Variants in DDR2 observed in about 807,000 individuals in gnomAD.
DDR2 encodes the protein discoidin domain receptor tyrosine kinase 2.
Under a neutral mutation model 94.9 loss-of-function variants are expected in DDR2, and 27 were observed. The observed-to-expected ratio is 0.28, with a 90% CI of 0.21 to 0.39. DDR2 has a LOEUF of 0.39. DDR2 is among the 10% of genes least tolerant of loss of function. The pLI, the probability that DDR2 is intolerant of heterozygous loss-of-function variation, is 1.00. For missense variants in DDR2, 783 were observed against 1,076.0 expected (o/e 0.73, Z 3.81); for synonymous variants, 382 against 377.2 (o/e 1.01, Z -0.15).
chr1:162,741,688 T>C (rs1662621783), intron 3 of DDR2: 1 of 985,348 alleles, frequency 1.0e-6, no homozygotes, highest in South Asian at 4.7e-5. Flanking sequence ...GAGGGAGACA[T>C]ACACACAGGT....
intron 16 of DDR2, chr1:162,778,134 A>T: frequency 7.6e-6 from 2 of 264,606 alleles, no homozygotes; most frequent in South Asian, 4.7e-5. Context: ...CATTGCTGTC[A>T]CTTGTTAAAG....
chr1:162,637,743 T>C (rs898333304), intron 1 of DDR2, among the ~76,000 whole-genome samples: 3 of 152,188 alleles, frequency 2.0e-5, no homozygotes, highest in Non-Finnish European at 1.5e-5. Flanking sequence ...GTGCTAGGGC[T>C]TAACACATTA....
intron 1 of DDR2, among the ~76,000 whole-genome samples, chr1:162,641,054 C>T (rs1242156593): frequency 6.6e-6 from 1 of 152,080 alleles, no homozygotes; most frequent in Non-Finnish European, 1.5e-5. Flanking sequence ...CTGGACCCAC[C>T]CTCATTGAGC....
At position 162,785,336 on chromosome 1, in the gene DDR2, G is replaced by A. The variant is rs1258816606; in HGVS notation, c.*5090G>A. ...TTAATGGCACTGGAAATAGCTTGTG[G>A]AGAGAATAGAATACAATGGTATAGA... On this transcript the variant is annotated 3_prime_UTR_variant, in exon 18 of 18. Transcript: ENST00000367921. 6.6e-6 allele frequency: 1 copy of A among 152,218 alleles called. No individual in the cohort carries two copies. The highest frequency in any genetic ancestry group is 1.5e-5 in the Non-Finnish European group (1 of 68,048). The allele number at this position is 152,218 out of a possible 1,614,324, so 9.4% of individuals were successfully genotyped here. A position where few individuals can be genotyped will look rare whatever the true frequency, so the allele number is the denominator to read the frequency against.
At chr1:162,662,234 C>T (rs776373898) in intron 2 of DDR2, among the ~76,000 whole-genome samples, 38 of 152,212 alleles carry the variant, frequency 2.5e-4, no homozygotes, top group Non-Finnish European at 4.7e-4. Context: ...TTCATTCATT[C>T]ACTCAGTGAA....
intron 3 of DDR2, among the ~76,000 whole-genome samples, chr1:162,750,840 C>T (rs1331283215): frequency 1.3e-5 from 2 of 152,072 alleles, no homozygotes; most frequent in African/African-American, 2.4e-5. Context: ...GAAATAATAC[C>T]ACACATCTAC....
At chr1:162,727,977 AGATATAATCACAC>A (rs1369710817) in intron 3 of DDR2, among the ~76,000 whole-genome samples, 3 of 141,366 alleles carry the variant, frequency 2.1e-5, no homozygotes, top group Non-Finnish European at 3.1e-5. Context: ...ATATATATAT[AGATATAATCACAC>A]TATATATATC....
intron 2 of DDR2, among the ~76,000 whole-genome samples, chr1:162,673,932 T>A (rs1179719627): frequency 1.3e-5 from 2 of 152,092 alleles, no homozygotes; most frequent in African/African-American, 2.4e-5. Context: ...TCTTCCCTTT[T>A]TACACATACT....
intron 3 of DDR2, among the ~76,000 whole-genome samples, chr1:162,731,175 A>G (rs1193155867): frequency 6.6e-6 from 1 of 152,184 alleles, no homozygotes; most frequent in African/African-American, 2.4e-5. Context: ...AGAAACAGAG[A>G]TATTAATAAA....
Position 162,770,393 on chromosome 1 carries a change from C to T in DDR2, c.1385C>T (p.Pro462Leu). Residue 462 changes from proline (P) to leucine (L), a missense_variant, in exon 12 of 18, where the codon CCT becomes CTT. By Grantham distance (98) the Pro-to-Leu change is moderately conservative. Transcript: ENST00000367921. ...SMFNNNRSSS[P>L]SEQGSNSTYD... ...TTCAACAATAACCGCTCCTCATCAC[C>T]TAGTGAACAAGGGTCCAACTCGACT... The T allele has an allele frequency of 1.2e-6, 2 of 1,614,116 alleles. No individual in the cohort carries two copies. Among genetic ancestry groups the T allele is most frequent in the East Asian group, 4.5e-5 (2 of 44,874 alleles).
rs115674790 is a variant in DDR2, at chr1:162,651,972, G to T, written c.-191-3239G>T. Among the ~76,000 whole-genome samples the T allele has an allele frequency of 3.0e-3, 451 of 152,308 alleles. 5 individuals are homozygous for T. Among genetic ancestry groups the T allele is most frequent in the Non-Finnish European group, 4.8e-3 (327 of 68,020 alleles). On this transcript the variant is annotated intron_variant, in intron 1 of 17. Coordinates refer to ENST00000367921, the MANE Select transcript of DDR2 (RefSeq NM_006182.4). ...ACCTGTGAAATCTCACTATCTCCAT[G>T]AAACCGACTGGCTTCGCTACATCAT...
Position 162,766,893 on chromosome 1 carries a change from G to A in DDR2, c.1163-336G>A, listed in dbSNP as rs182304275. ...CTAAAGATACAAAAATTAGCCGGGC[G>A]TAGTGGCGCATGCCTGTAATCCCAG... On this transcript the variant is annotated intron_variant, in intron 10 of 17. Transcript: ENST00000367921. Among the ~76,000 whole-genome samples, 10 of 152,082 alleles carry A rather than the reference G, an allele frequency of 6.6e-5. No homozygotes were observed. The East Asian group carries it at 7.7e-4, about 12-fold the overall frequency.
chr1:162,646,383 C>G (rs993104615), intron 1 of DDR2, among the ~76,000 whole-genome samples: 2 of 152,130 alleles, frequency 1.3e-5, no homozygotes, highest in African/African-American at 4.8e-5. Context: ...GTGAGGACTT[C>G]TGAGTAATGA....
chr1:162,707,360 T>G (rs1283689936), intron 2 of DDR2, among the ~76,000 whole-genome samples: 1 of 152,216 alleles, frequency 6.6e-6, no homozygotes, highest in Non-Finnish European at 1.5e-5. Flanking sequence ...CTGTTCTGAA[T>G]TCAACTCTTG....
chr1:162,677,870 T>C (rs182418858), intron 2 of DDR2, among the ~76,000 whole-genome samples: 59 of 152,386 alleles, frequency 3.9e-4, no homozygotes, highest in Admixed American at 7.2e-4. Context: ...CTACTTTATA[T>C]ACAATTCTAT....
At chr1:162,756,029 C>G (rs764395107) in intron 7 of DDR2, among the ~76,000 whole-genome samples, 1 of 152,084 alleles carries the variant, frequency 6.6e-6, no homozygotes, top group Admixed American at 6.6e-5. Flanking sequence ...TGATATGGCT[C>G]TAAGTATAAT....
At chr1:162,723,091 C>T (rs1057089511) in intron 3 of DDR2, among the ~76,000 whole-genome samples, 1 of 152,100 alleles carries the variant, frequency 6.6e-6, no homozygotes, top group Non-Finnish European at 1.5e-5. Flanking sequence ...ATGCAGAAAC[C>T]CTGCCCCAGC....
intron 3 of DDR2, among the ~76,000 whole-genome samples, chr1:162,745,630 T>A (rs530953265): frequency 1.3e-5 from 2 of 152,278 alleles, no homozygotes; most frequent in African/African-American, 2.4e-5. Context: ...GAAGATCAGT[T>A]GACCTGTGTG....
At chr1:162,682,991 C>T (rs1659484218) in intron 2 of DDR2, among the ~76,000 whole-genome samples, 1 of 152,048 alleles carries the variant, frequency 6.6e-6, no homozygotes, top group Non-Finnish European at 1.5e-5. Context: ...AAATCCTCTA[C>T]AAGATATTAG....
Sources: gnomAD v4.1 joint callset for allele counts (sites outside exome capture counted in the v4.1 genomes callset) on GRCh38, gnomAD v4.1.1 for gene constraint, MANE v1.5 for transcripts, NCBI Gene and HGNC (gene_info 2026-07-23, HGNC 2026-07-21) for gene names.